CCDC122: variants seen among roughly 807,000 people sequenced by gnomAD.
The protein encoded by CCDC122 is coiled-coil domain containing 122.
A neutral mutation model predicts 37.0 loss-of-function variants in CCDC122; 38 were observed. The ratio of observed to expected loss-of-function variants is 1.03; its 90% CI spans 0.79 to 1.35. CCDC122 has a LOEUF of 1.35. Ranked by LOEUF, CCDC122 falls within the 40% of genes most tolerant of loss-of-function variation. The probability of loss-of-function intolerance (pLI) is 0.00; values close to 1 mark genes in which losing one functional copy is unlikely to be tolerated. For missense variants in CCDC122, 305 were observed against 310.0 expected (o/e 0.98, Z 0.12); for synonymous variants, 83 against 95.6 (o/e 0.87, Z 0.77).
downstream of CCDC122, among the ~76,000 whole-genome samples, chr13:43,822,492 G>A (rs1038370442): frequency 3.9e-5 from 6 of 152,228 alleles, no homozygotes; most frequent in East Asian, 1.9e-4. Context: ...AGCAGGTGGC[G>A]AAGCCAGCCA....
At chr13:43,846,275 C>T (rs1333255148) in intron 6 of CCDC122, among the ~76,000 whole-genome samples, 1 of 151,974 alleles carries the variant, frequency 6.6e-6, no homozygotes, top group Non-Finnish European at 1.5e-5. Context: ...GGTTTCAACA[C>T]GTTGGCCAGG....
chr13:43,835,973 A>T (rs1337548460), downstream of CCDC122, among the ~76,000 whole-genome samples: 8 of 152,348 alleles, frequency 5.3e-5, no homozygotes, highest in East Asian at 1.5e-3. Context: ...AGCCATGCTA[A>T]GCCACAATAA....
chr13:43,829,399 G>A (rs1046660971), intron 3 of CCDC122, among the ~76,000 whole-genome samples: 5 of 151,994 alleles, frequency 3.3e-5, no homozygotes, highest in Non-Finnish European at 7.4e-5. Flanking sequence ...TCCGCCTCCC[G>A]GGCTCATGTG....
Position 43,874,940 on chromosome 13 carries a change from G to T in CCDC122, c.-199-13C>A, listed in dbSNP as rs552968850. ...GAGTTTCAGGGCACTGAAAAAGAAAGAAAACAGAGGGTTTGTACTGTTCCT... is the reference window on the plus strand; with the variant it reads ...GAGTTTCAGGGCACTGAAAAAGAAATAAAACAGAGGGTTTGTACTGTTCCT... On this transcript the variant is annotated splice_polypyrimidine_tract_variant and intron_variant, in intron 1 of 6. Coordinates refer to ENST00000444614, the MANE Select transcript of CCDC122 (RefSeq NM_144974.5). 3.5e-4 allele frequency: 53 copies of T among 152,312 alleles called. 1 individual carries two copies. The highest frequency in any genetic ancestry group is 1.2e-3 in the African/African-American group (49 of 41,582). 9.4% of individuals were successfully genotyped at this position (152,312 alleles called of 1,614,324 possible).
intron 6 of CCDC122, chr13:43,848,587 A>T (rs2065924): frequency 0.92 from 143,850 of 156,004 alleles, 66,647 homozygotes; most frequent in Middle Eastern, 0.99. Context: ...CCAAAATATA[A>T]GAAGACAGAC....
At chr13:43,846,418 C>T (rs1302175890) in intron 6 of CCDC122, among the ~76,000 whole-genome samples, 2 of 152,092 alleles carry the variant, frequency 1.3e-5, no homozygotes, top group Admixed American at 1.3e-4. Flanking sequence ...TTATTACTAA[C>T]CATTGTGCAC....
intron 6 of CCDC122, among the ~76,000 whole-genome samples, chr13:43,853,357 C>T (rs1953806475): frequency 1.3e-5 from 2 of 152,132 alleles, no homozygotes; most frequent in Admixed American, 6.5e-5. Context: ...TCACACAAAA[C>T]AGACTTTAAA....
chr13:43,824,928 A>C (rs1178958761), intron 3 of CCDC122, among the ~76,000 whole-genome samples: 1 of 152,202 alleles, frequency 6.6e-6, no homozygotes, highest in Non-Finnish European at 1.5e-5. Flanking sequence ...GAGAAAAGAC[A>C]ATGCTTATAC....
intron 6 of CCDC122, among the ~76,000 whole-genome samples, chr13:43,845,210 T>C (rs1355481304): frequency 6.6e-6 from 1 of 152,208 alleles, no homozygotes; most frequent in East Asian, 1.9e-4. Context: ...AATTAACATA[T>C]CAGTACATGT....
At chr13:43,872,697 C>G (rs1249534546) in intron 2 of CCDC122, among the ~76,000 whole-genome samples, 2 of 152,126 alleles carry the variant, frequency 1.3e-5, no homozygotes, top group Non-Finnish European at 2.9e-5. Context: ...TACTTTTGTA[C>G]TCCTTTCTCA....
At chr13:43,847,554 T>C (rs1244016794) in intron 6 of CCDC122, among the ~76,000 whole-genome samples, 3 of 152,222 alleles carry the variant, frequency 2.0e-5, no homozygotes, top group Admixed American at 6.5e-5. Flanking sequence ...TCTAAAACTT[T>C]GTAAGACATG....
chr13:43,872,558 A>T (rs1036142864), intron 2 of CCDC122, among the ~76,000 whole-genome samples: 30 of 152,166 alleles, frequency 2.0e-4, no homozygotes, highest in African/African-American at 6.3e-4. Context: ...AATCTAACTG[A>T]GATAGAAGAA....
Position 43,837,146 on chromosome 13 carries a change from A to G in CCDC122, c.*134T>C. 2.4e-6 allele frequency: 2 copies of G among 842,148 alleles called. No homozygotes were observed. The highest frequency in any genetic ancestry group is 3.7e-5 in the South Asian group (2 of 53,542). 52.2% of individuals were successfully genotyped at this position (842,148 alleles called of 1,614,324 possible). The stretch of plus-strand genomic sequence containing the variant: ...GATGACTGATTTAAAAAAAACAACA[A>G]CCGAAGACATCTGTCATTAAGACAG... On this transcript the variant is annotated 3_prime_UTR_variant, in exon 7 of 7. Coordinates refer to ENST00000444614, the MANE Select transcript of CCDC122 (RefSeq NM_144974.5).
intron 2 of CCDC122, among the ~76,000 whole-genome samples, chr13:43,872,746 C>G (rs1199422931): frequency 6.6e-6 from 1 of 152,096 alleles, no homozygotes; most frequent in Non-Finnish European, 1.5e-5. Flanking sequence ...AACAGAATTT[C>G]CCCATTTACT....
At chr13:43,846,566 T>C (rs1953543866) in intron 6 of CCDC122, among the ~76,000 whole-genome samples, 2 of 152,212 alleles carry the variant, frequency 1.3e-5, no homozygotes, top group Admixed American at 1.3e-4. Context: ...ATTTCAATTT[T>C]GTCCTTAGAT....
intron 6 of CCDC122, among the ~76,000 whole-genome samples, chr13:43,851,938 C>T (rs1953747668): frequency 6.8e-6 from 1 of 146,876 alleles, no homozygotes; most frequent in African/African-American, 2.5e-5. Flanking sequence ...TCAAGATCAT[C>T]AAATAGGATA....
At chr13:43,848,833 A>C in intron 6 of CCDC122, 1 of 941,602 alleles carries the variant, frequency 1.1e-6, no homozygotes, top group Non-Finnish European at 1.3e-6. Context: ...TAGTCCAGGC[A>C]AAAGATGATT....
At chr13:43,857,932 AT>A (rs1393540021) in intron 6 of CCDC122, among the ~76,000 whole-genome samples, 3 of 151,750 alleles carry the variant, frequency 2.0e-5, no homozygotes, top group South Asian at 2.1e-4. Flanking sequence ...TAATAATAAT[AT>A]TTTTTTCTAC....
rs1187762727 is a variant in CCDC122 at position 43,859,806 on chromosome 13, C to T, written c.421G>A (p.Glu141Lys). The T allele has an allele frequency of 1.2e-6, 2 of 1,609,784 alleles. No individual in the cohort carries two copies. Among genetic ancestry groups the T allele is most frequent in the Middle Eastern group, 1.7e-4 (1 of 6,048 alleles). ...ATAAATGACCATTTGCTCTCTACTT[C>T]CCCCAAACTATTTTTATGTGCTTTT... Reference protein sequence around the residue: ...KIKAHKNSLGEVESKWSFMTE... With the variant: ...KIKAHKNSLGKVESKWSFMTE... Residue 141 changes from glutamate to lysine, a missense_variant, in exon 5 of 7, where the codon GAA (glutamate) becomes AAA (lysine). Glu to Lys is a moderately conservative substitution (Grantham distance 56, BLOSUM62 1). Transcript: ENST00000444614.
Sources: gnomAD v4.1 joint callset for allele counts (sites outside exome capture counted in the v4.1 genomes callset) on GRCh38, gnomAD v4.1.1 for gene constraint, MANE v1.5 for transcripts, NCBI Gene and HGNC (gene_info 2026-07-23, HGNC 2026-07-21) for gene names.